The following TRPM3 variants were observed in gnomAD, a reference collection of about 807,000 sequenced individuals.
TRPM3 encodes the protein long transient receptor potential channel 3.
TRPM3 carries 77 observed loss-of-function variants against 181.2 expected under a neutral mutation model. The ratio of observed to expected loss-of-function variants is 0.42; its 90% CI spans 0.35 to 0.51. TRPM3 has a LOEUF of 0.51. Among genes scored for constraint, TRPM3 ranks in the 20% least tolerant of loss-of-function variants. The pLI is 0.01. For synonymous variants in TRPM3, 745 were observed against 796.4 expected, an observed-to-expected ratio of 0.94 and a Z score of 1.09; for missense variants, 1,759 against 2,196.7, an observed-to-expected ratio of 0.80 and a Z score of 3.98.
At chr9:70,825,219 G>C (rs2093476970) in intron 6 of TRPM3, 1 of 152,150 alleles carries the variant, frequency 6.6e-6, no homozygotes, top group African/African-American at 2.4e-5. Context: ...TTAAGTTCAG[G>C]GGTAGAACTG....
chr9:71,427,512 G>A lies in TRPM3; in HGVS notation c.183+19141C>T, dbSNP rs112611494. Among the ~76,000 whole-genome samples the A allele has an allele frequency of 5.3e-3, 809 of 152,080 alleles. 11 individuals are homozygous for A. Among genetic ancestry groups the A allele is most frequent in the African/African-American group, 0.019 (777 of 41,458 alleles). On this transcript the variant is annotated intron_variant, in intron 1 of 24. Coordinates refer to the TRPM3 transcript ENST00000357533. Reference sequence around the variant, plus strand: ...TAGCAAAGACATGGAATCAACCTAGGTGCCCATCAACAGTGGACTGCATAA... The same window carrying A: ...TAGCAAAGACATGGAATCAACCTAGATGCCCATCAACAGTGGACTGCATAA...
intron 1 of TRPM3, among the ~76,000 whole-genome samples, chr9:71,279,056 T>A (rs1504385): frequency 0.33 from 27,309 of 82,592 alleles, 5,259 homozygotes; most frequent in Middle Eastern, 0.42. Context: ...AAAATAAAAA[T>A]AAAAATAAAA....
chr9:71,107,846 A>G (rs767099841), intron 1 of TRPM3, among the ~76,000 whole-genome samples: 12 of 152,156 alleles, frequency 7.9e-5, no homozygotes, highest in Non-Finnish European at 1.5e-4. Flanking sequence ...AAAATTTTTT[A>G]CCCCATATTT....
intron 16 of TRPM3, among the ~76,000 whole-genome samples, 200 bp from the exon 17 acceptor site, chr9:70,619,295 G>A (rs1477846910): frequency 3.3e-5 from 5 of 152,008 alleles, no homozygotes; most frequent in African/African-American, 1.2e-4. Context: ...TAGAACTGGG[G>A]GTATAAGTCA....
At chr9:70,615,830 C>A in intron 18 of TRPM3, 78 bp downstream of exon 18, 1 of 1,424,004 alleles carries the variant, frequency 7.0e-7, no homozygotes, top group Non-Finnish European at 9.5e-7. Flanking sequence ...TAAGGAGTTA[C>A]TGAATCTTGA....
chr9:71,281,011 GA>G (rs2084663440), intron 1 of TRPM3, among the ~76,000 whole-genome samples: 4 of 152,190 alleles, frequency 2.6e-5, no homozygotes, highest in Admixed American at 2.6e-4. Flanking sequence ...TGCAGGCAAA[GA>G]CCACATGTGT....
At chr9:70,904,145 C>A (rs1287218658) in intron 1 of TRPM3, among the ~76,000 whole-genome samples, 2 of 152,050 alleles carry the variant, frequency 1.3e-5, no homozygotes, top group African/African-American at 2.4e-5. Flanking sequence ...TCACCTGAGT[C>A]CCCGGAGGTC....
chr9:70,956,083 G>T (rs1003515230), intron 1 of TRPM3, among the ~76,000 whole-genome samples: 2 of 152,076 alleles, frequency 1.3e-5, no homozygotes, highest in Non-Finnish European at 2.9e-5. Context: ...CATTTGAAGG[G>T]TGCCCGATTG....
chr9:71,383,039 G>A (rs2092839152), intron 1 of TRPM3, among the ~76,000 whole-genome samples: 1 of 152,144 alleles, frequency 6.6e-6, no homozygotes, highest in Admixed American at 6.6e-5. Context: ...TGTCAACAAT[G>A]AGAAAGTAAA....
chr9:70,564,939 ATC>A (rs2050160668), intron 22 of TRPM3, among the ~76,000 whole-genome samples: 2 of 152,204 alleles, frequency 1.3e-5, no homozygotes, highest in African/African-American at 4.8e-5. Flanking sequence ...TCAGGCTCGA[ATC>A]TCTCTGATCT....
intron 25 of TRPM3, among the ~76,000 whole-genome samples, chr9:70,540,253 C>T (rs2042946845): frequency 6.6e-6 from 1 of 152,246 alleles, no homozygotes; most frequent in Non-Finnish European, 1.5e-5. Context: ...TTGGGTCTCA[C>T]TAGCTCTCTA....
chr9:71,393,038 T>A (rs2093100393), intron 1 of TRPM3, among the ~76,000 whole-genome samples: 1 of 152,158 alleles, frequency 6.6e-6, no homozygotes, highest in African/African-American at 2.4e-5. Context: ...AACGATTTGT[T>A]TTCTAGGAAG....
At chr9:70,823,737 A>G (rs2093361418) in intron 6 of TRPM3, among the ~76,000 whole-genome samples, 1 of 152,232 alleles carries the variant, frequency 6.6e-6, no homozygotes, top group African/African-American at 2.4e-5. Context: ...GCTATTCTAG[A>G]CCTTAACCAT....
At chr9:71,315,322 A>G (rs2088459854) in intron 1 of TRPM3, among the ~76,000 whole-genome samples, 1 of 152,194 alleles carries the variant, frequency 6.6e-6, no homozygotes, top group Non-Finnish European at 1.5e-5. Context: ...AAATACACCA[A>G]GTGATTCTAT....
chr9:70,676,955 A>C (rs1287759162), intron 9 of TRPM3, among the ~76,000 whole-genome samples: 1 of 104,188 alleles, frequency 9.6e-6, no homozygotes, highest in Non-Finnish European at 1.9e-5. Flanking sequence ...CCCACCCCCC[A>C]CCCACTTCTC....
chr9:71,044,489 T>C (rs1344573376), intron 1 of TRPM3, among the ~76,000 whole-genome samples: 1 of 152,230 alleles, frequency 6.6e-6, no homozygotes, highest in Non-Finnish European at 1.5e-5. Context: ...TTCACTTTAG[T>C]TCTTTCTAGT....
At chr9:71,233,918 G>A (rs906251798) in intron 1 of TRPM3, among the ~76,000 whole-genome samples, 4 of 152,132 alleles carry the variant, frequency 2.6e-5, no homozygotes, top group African/African-American at 9.7e-5. Context: ...ATTTTGCTGA[G>A]GTCCCTTCCT....
At chr9:70,916,053 A>G (rs2096591159) in intron 1 of TRPM3, among the ~76,000 whole-genome samples, 1 of 152,230 alleles carries the variant, frequency 6.6e-6, no homozygotes, top group Non-Finnish European at 1.5e-5. Context: ...GAGACTTCTT[A>G]GTGGAAACCT....
chr9:70,960,707 T>C (rs2097128212), intron 1 of TRPM3, among the ~76,000 whole-genome samples: 2 of 152,164 alleles, frequency 1.3e-5, no homozygotes, highest in Admixed American at 6.5e-5. Context: ...ACGTGGGTAC[T>C]TTCTCGTTCT....
Sources: allele counts gnomAD v4.1 joint callset (sites outside exome capture counted in the v4.1 genomes callset), GRCh38; gene constraint gnomAD v4.1.1; transcripts MANE v1.5; gene names NCBI Gene and HGNC (gene_info 2026-07-23, HGNC 2026-07-21).